The following DDHD1 variants were observed in gnomAD, a reference collection of about 807,000 sequenced individuals.
DDHD1 encodes phospholipase DDHD1.
In DDHD1, 49 loss-of-function variants were observed where a neutral mutation model predicts 96.4. The ratio of observed to expected loss-of-function variants is 0.51; its 90% CI spans 0.40 to 0.64. DDHD1 has a LOEUF of 0.64. DDHD1 is among the 30% of genes least tolerant of loss of function. The pLI is 0.00. For missense variants in DDHD1, 1,106 were observed against 1,161.2 expected (o/e 0.95, Z 0.69); for synonymous variants, 442 against 446.5 (o/e 0.99, Z 0.13).
chr14:53,145,106 C>T (rs772607822), intron 1 of DDHD1, among the ~76,000 whole-genome samples: 4 of 152,020 alleles, frequency 2.6e-5, no homozygotes, highest in Admixed American at 6.5e-5. Context: ...GCCGAGATGG[C>T]GCCACTGCAC....
intron 4 of DDHD1, among the ~76,000 whole-genome samples, chr14:53,079,561 A>G (rs1357732668): frequency 3.3e-5 from 5 of 152,222 alleles, no homozygotes; most frequent in African/African-American, 1.2e-4. Flanking sequence ...AATTGTGCAT[A>G]GTATTCCCTT....
At chr14:53,111,182 G>A (rs568376155) in intron 1 of DDHD1, among the ~76,000 whole-genome samples, 8 of 152,318 alleles carry the variant, frequency 5.3e-5, no homozygotes, top group South Asian at 4.1e-4. Flanking sequence ...GTGGCCGGGC[G>A]CGGTGGCTCA....
At chr14:53,079,652 C>T (rs1338189046) in intron 4 of DDHD1, among the ~76,000 whole-genome samples, 1 of 151,888 alleles carries the variant, frequency 6.6e-6, no homozygotes, top group African/African-American at 2.4e-5. Context: ...GAATCTTTTT[C>T]TCGTTTGGTC....
At position 53,152,243 on chromosome 14, in the gene DDHD1, C is replaced by A. The variant is rs980638622; in HGVS notation, c.838+18G>T. The stretch of plus-strand genomic sequence containing the variant: ...GCAGGGGCAGCCCGTCCTGCCCTAA[C>A]CCCGGCCCGCTACTCACGGTTCCAG... On this transcript the variant is annotated intron_variant, in intron 1 of 12. Coordinates refer to ENST00000673822, the MANE Select transcript of DDHD1 (RefSeq NM_001160148.2). 6.9e-6 allele frequency: 11 copies of A among 1,583,342 alleles called. No individual in the cohort carries two copies. The highest frequency in any genetic ancestry group is 9.5e-6 in the Non-Finnish European group (11 of 1,163,014).
At chr14:53,091,642 T>C in intron 4 of DDHD1, 143 bp downstream of exon 4, 1 of 806,686 alleles carries the variant, frequency 1.2e-6, no homozygotes, top group Non-Finnish European at 1.8e-6. Flanking sequence ...GTCCAGATAC[T>C]TGATCTATGA....
intron 12 of DDHD1, among the ~76,000 whole-genome samples, chr14:53,051,080 A>C (rs1882517709): frequency 6.6e-6 from 1 of 151,432 alleles, no homozygotes; most frequent in South Asian, 2.1e-4. Context: ...ACTTGAAAAA[A>C]TTTATGAAAA....
intron 1 of DDHD1, among the ~76,000 whole-genome samples, chr14:53,135,165 G>A (rs1292759328): frequency 6.6e-6 from 1 of 152,094 alleles, no homozygotes; most frequent in African/African-American, 2.4e-5. Context: ...TATCCCCTGT[G>A]ACCTGCAGGT....
intron 1 of DDHD1, among the ~76,000 whole-genome samples, chr14:53,113,691 C>A (rs539063591): frequency 2.1e-3 from 321 of 152,274 alleles, no homozygotes; most frequent in Non-Finnish European, 3.4e-3. Flanking sequence ...ACTGTGCTAC[C>A]CAGCTGGGTT....
intron 6 of DDHD1, among the ~76,000 whole-genome samples, chr14:53,064,536 T>C (rs899049864): frequency 2.0e-5 from 3 of 152,080 alleles, no homozygotes; most frequent in African/African-American, 4.8e-5. Flanking sequence ...CTTCATTAGT[T>C]TGGCAATCAT....
At position 53,046,648 on chromosome 14, in the gene DDHD1, T is replaced by C. The variant is rs995051176; in HGVS notation, c.*120A>G. The C allele has an allele frequency of 3.5e-6, 2 of 573,390 alleles. No homozygotes were observed. The highest frequency in any genetic ancestry group is 3.3e-5 in the East Asian group (1 of 30,552). The allele number at this position is 573,390 out of a possible 1,614,324, so 35.5% of individuals were successfully genotyped here. On this transcript the variant is annotated 3_prime_UTR_variant, in exon 13 of 13. Transcript: ENST00000673822. ...AATAAAGTGCTTTTAAATTCAAATA[T>C]ATGTTGCCCTAAAGAAAACTGAAAT...
chr14:53,087,676 A>C (rs1170542416), intron 4 of DDHD1, among the ~76,000 whole-genome samples: 1 of 152,248 alleles, frequency 6.6e-6, no homozygotes, highest in Non-Finnish European at 1.5e-5. Context: ...ATAGAGGAAA[A>C]TATATAGCAC....
rs1394333111 is a variant in DDHD1 at position 53,045,826 on chromosome 14, A to G, written c.*942T>C. 6.6e-6 allele frequency: 1 copy of G among 152,104 alleles called. No homozygotes were observed. Among genetic ancestry groups the G allele is most frequent in the African/African-American group, 2.4e-5 (1 of 41,422 alleles). The allele number at this position is 152,104 out of a possible 1,614,324, so 9.4% of individuals were successfully genotyped here. A position where few individuals can be genotyped will look rare whatever the true frequency, so the allele number is the denominator to read the frequency against. On this transcript the variant is annotated 3_prime_UTR_variant, in exon 13 of 13. Coordinates refer to ENST00000673822, the MANE Select transcript of DDHD1 (RefSeq NM_001160148.2). ...TTAGTGGCATCACATCCCTTCATAT[A>G]TGTTGTTTGGCACACAAATGTTTAT...
Position 53,042,997 on chromosome 14 carries a change from T to G in DDHD1, c.*3771A>C, listed in dbSNP as rs1271940389. 1 of 152,240 alleles carries G rather than the reference T, an allele frequency of 6.6e-6. No homozygotes were observed. Among genetic ancestry groups the G allele is most frequent in the Non-Finnish European group, 1.5e-5 (1 of 68,042 alleles). The allele number at this position is 152,240 out of a possible 1,614,324, so 9.4% of individuals were successfully genotyped here. ...CTAATGGATCAAAAAGAAATTTGTC[T>G]TCTACTACAGACTTTACAGGAAAAT... On this transcript the variant is annotated 3_prime_UTR_variant, in exon 13 of 13. Coordinates refer to ENST00000673822, the MANE Select transcript of DDHD1 (RefSeq NM_001160148.2).
In DDHD1 at chr14:53,046,637, A is replaced by T; in HGVS notation, c.*131T>A. ...TTTTTTTTTTAAATAAAGTGCTTTT[A>T]AATTCAAATATATGTTGCCCTAAAG... On this transcript the variant is annotated 3_prime_UTR_variant, in exon 13 of 13. Coordinates refer to ENST00000673822, the MANE Select transcript of DDHD1 (RefSeq NM_001160148.2). The T allele has an allele frequency of 1.9e-6, 1 of 530,798 alleles. No individual in the cohort carries two copies. The highest frequency in any genetic ancestry group is 3.1e-6 in the Non-Finnish European group (1 of 320,928). 32.9% of individuals were successfully genotyped at this position (530,798 alleles called of 1,614,324 possible).
intron 1 of DDHD1, 138 bp downstream of exon 1, chr14:53,152,119 TGCTC>T: frequency 1.2e-6 from 1 of 838,734 alleles, no homozygotes; most frequent in Non-Finnish European, 1.7e-6. Flanking sequence ...CGACGCTCCC[TGCTC>T]AATCTCCATC....
At chr14:53,061,793 G>C (rs1413355847) in intron 7 of DDHD1, among the ~76,000 whole-genome samples, 1 of 151,924 alleles carries the variant, frequency 6.6e-6, no homozygotes, top group African/African-American at 2.4e-5. Context: ...CAGCACTTTG[G>C]GAGGCTCAGG....
At chr14:53,075,869 A>G (rs1008091676) in intron 4 of DDHD1, among the ~76,000 whole-genome samples, 2 of 152,188 alleles carry the variant, frequency 1.3e-5, no homozygotes, top group African/African-American at 4.8e-5. Flanking sequence ...AAGCCTGGAT[A>G]GCAGCACATC....
chr14:53,101,295 G>A (rs1178402108), intron 2 of DDHD1, among the ~76,000 whole-genome samples: 3 of 152,002 alleles, frequency 2.0e-5, no homozygotes. Flanking sequence ...ATTTTCAAAT[G>A]TACTACACAA....
At chr14:53,091,490 T>A (rs1391974898) in intron 4 of DDHD1, among the ~76,000 whole-genome samples, 1 of 151,078 alleles carries the variant, frequency 6.6e-6, no homozygotes, top group East Asian at 1.9e-4. Flanking sequence ...AAACTAGATC[T>A]TCTTCTTGCT....
Sources: gnomAD v4.1 joint callset for allele counts (sites outside exome capture counted in the v4.1 genomes callset) on GRCh38, gnomAD v4.1.1 for gene constraint, MANE v1.5 for transcripts, NCBI Gene and HGNC (gene_info 2026-07-23, HGNC 2026-07-21) for gene names.